BCKDHB: variants seen among roughly 807,000 people sequenced by gnomAD.
BCKDHB encodes branched chain keto acid dehydrogenase E1 subunit beta, also known as 2-oxoisovalerate dehydrogenase subunit beta, mitochondrial.
A neutral mutation model predicts 48.5 loss-of-function variants in BCKDHB; 41 were observed. The observed-to-expected ratio is 0.85, with a 90% CI of 0.66 to 1.10. The LOEUF (loss-of-function observed/expected upper bound fraction) is 1.10, where lower values mean the gene tolerates loss of function less well. Ranked by LOEUF, BCKDHB falls within the 50% of genes least tolerant of loss-of-function variation. The probability of loss-of-function intolerance (pLI) is 0.00; values close to 1 mark genes in which losing one functional copy is unlikely to be tolerated. For missense variants in BCKDHB, 496 were observed against 494.2 expected, an observed-to-expected ratio of 1.00 and a Z score of -0.03; for synonymous variants, 201 against 174.8, an observed-to-expected ratio of 1.15 and a Z score of -1.18.
At chr6:80,315,007 G>A (rs1434546917) in intron 9 of BCKDHB, among the ~76,000 whole-genome samples, 3 of 152,204 alleles carry the variant, frequency 2.0e-5, no homozygotes, top group Non-Finnish European at 4.4e-5. Context: ...TCTCCCCACT[G>A]GGGTTCCATC....
the BCKDHB span, among the ~76,000 whole-genome samples, chr6:80,353,341 A>G: frequency 1.3e-5 from 2 of 152,208 alleles, no homozygotes; most frequent in African/African-American, 4.8e-5. Context: ...TATGATAAAC[A>G]CATGAGTGCA....
intron 8 of BCKDHB, among the ~76,000 whole-genome samples, chr6:80,269,012 A>G (rs530188075): frequency 3.9e-5 from 6 of 152,266 alleles, no homozygotes; most frequent in African/African-American, 1.2e-4. Context: ...AATAGCATAA[A>G]TAAATTTAAA....
At chr6:80,287,141 T>C (rs534976130) in intron 9 of BCKDHB, among the ~76,000 whole-genome samples, 59 of 152,284 alleles carry the variant, frequency 3.9e-4, no homozygotes, top group Non-Finnish European at 7.5e-4. Context: ...TAAATTCTTA[T>C]TTACTTGCCT....
chr6:80,194,689 A>C (rs1460911054), intron 6 of BCKDHB, among the ~76,000 whole-genome samples: 2 of 152,146 alleles, frequency 1.3e-5, no homozygotes, highest in Admixed American at 1.3e-4. Flanking sequence ...CAGAGTGTCC[A>C]TTTCAGTGCA....
At chr6:80,141,942 CAG>C (rs1250935035) in intron 3 of BCKDHB, among the ~76,000 whole-genome samples, 8 of 152,060 alleles carry the variant, frequency 5.3e-5, no homozygotes, top group Admixed American at 5.3e-4. Context: ...GTGCCTTTAA[CAG>C]GGGGAGGAAC....
At chr6:80,398,353 A>G in the BCKDHB span, among the ~76,000 whole-genome samples, 16,116 of 152,152 alleles carry the variant, frequency 0.11, 2,473 homozygotes, top group African/African-American at 0.34. Flanking sequence ...GAAGAAAAGA[A>G]AGAAGATTCA....
At chr6:80,132,003 ATTTAT>A (rs1478528256) in intron 3 of BCKDHB, among the ~76,000 whole-genome samples, 4 of 151,848 alleles carry the variant, frequency 2.6e-5, no homozygotes, top group Non-Finnish European at 2.9e-5. Context: ...TTTTTATTTT[ATTTAT>A]TTTATCTATT....
At chr6:80,205,530 G>A (rs555753204) in intron 8 of BCKDHB, among the ~76,000 whole-genome samples, 1 of 152,108 alleles carries the variant, frequency 6.6e-6, no homozygotes, top group Non-Finnish European at 1.5e-5. Context: ...CATACTTCTT[G>A]CTTAATCCTT....
intron 3 of BCKDHB, among the ~76,000 whole-genome samples, chr6:80,130,159 A>G (rs954679727): frequency 1.3e-4 from 20 of 151,780 alleles, no homozygotes; most frequent in Non-Finnish European, 2.8e-4. Flanking sequence ...ATGTGTTTTG[A>G]CCTCCTATTG....
intron 9 of BCKDHB, among the ~76,000 whole-genome samples, chr6:80,333,644 G>A (rs1769431539): frequency 6.6e-6 from 1 of 152,014 alleles, no homozygotes; most frequent in Admixed American, 6.6e-5. Context: ...ATCTCTAGTA[G>A]CCTGTAATTC....
chr6:80,314,669 T>C (rs1425390320), intron 9 of BCKDHB, among the ~76,000 whole-genome samples: 1 of 151,954 alleles, frequency 6.6e-6, no homozygotes, highest in East Asian at 1.9e-4. Context: ...GCTTGGACTC[T>C]TCAAAGCCCG....
chr6:80,444,855 G>A, the BCKDHB span, among the ~76,000 whole-genome samples: 1 of 152,084 alleles, frequency 6.6e-6, no homozygotes, highest in Non-Finnish European at 1.5e-5. Context: ...TTTTGTTTCA[G>A]AAATGTTAGT....
intron 8 of BCKDHB, among the ~76,000 whole-genome samples, chr6:80,207,166 T>G (rs949565493): frequency 2.0e-5 from 3 of 151,994 alleles, no homozygotes; most frequent in African/African-American, 7.2e-5. Flanking sequence ...TTAGTATTGA[T>G]TATCCGAAAC....
chr6:80,386,072 G>A, the BCKDHB span, among the ~76,000 whole-genome samples: 2 of 152,322 alleles, frequency 1.3e-5, no homozygotes, highest in East Asian at 3.9e-4. Context: ...AAAGGTTTAA[G>A]GGGATTGGGA....
At chr6:80,227,208 T>C (rs1042945050) in intron 8 of BCKDHB, among the ~76,000 whole-genome samples, 1 of 152,200 alleles carries the variant, frequency 6.6e-6, no homozygotes, top group Non-Finnish European at 1.5e-5. Flanking sequence ...CGTGTCTAAT[T>C]TGTAGAAGTT....
intron 9 of BCKDHB, among the ~76,000 whole-genome samples, chr6:80,319,366 A>C (rs1768598967): frequency 6.6e-6 from 1 of 152,212 alleles, no homozygotes; most frequent in South Asian, 2.1e-4. Flanking sequence ...ATGAATTATT[A>C]AAGTTAAGCT....
chr6:80,181,409 A>C (rs1193800133), intron 6 of BCKDHB, among the ~76,000 whole-genome samples: 1 of 152,178 alleles, frequency 6.6e-6, no homozygotes, highest in Non-Finnish European at 1.5e-5. Context: ...TCAGCCATCG[A>C]TGCTTAACAG....
At chr6:80,398,250 T>C in the BCKDHB span, among the ~76,000 whole-genome samples, 2 of 5,610 alleles carry the variant, frequency 3.6e-4, no homozygotes, top group Non-Finnish European at 7.1e-4. Flanking sequence ...CTGAAGGAGA[T>C]TGAGAAACAA....
intron 3 of BCKDHB, among the ~76,000 whole-genome samples, chr6:80,155,503 G>C (rs969636916): frequency 6.6e-4 from 101 of 152,232 alleles, no homozygotes; most frequent in African/African-American, 2.3e-3. Context: ...GTAACAATTC[G>C]ATTTCCTTAT....
Sources: allele counts gnomAD v4.1 joint callset (sites outside exome capture counted in the v4.1 genomes callset), GRCh38; gene constraint gnomAD v4.1.1; transcripts MANE v1.5; gene names NCBI Gene and HGNC (gene_info 2026-07-23, HGNC 2026-07-21).